The following IFT122 variants were observed in gnomAD, a reference collection of about 807,000 sequenced individuals.
The protein encoded by IFT122 is intraflagellar transport 122.
Under a neutral mutation model 161.6 loss-of-function variants are expected in IFT122, and 118 were observed. The ratio of observed to expected loss-of-function variants is 0.73; its 90% CI spans 0.63 to 0.85. The LOEUF (loss-of-function observed/expected upper bound fraction) is 0.85. Among genes scored for constraint, IFT122 ranks in the 40% least tolerant of loss-of-function variants. IFT122 has a pLI of 0.00. For missense variants in IFT122, 1,381 were observed against 1,579.6 expected (o/e 0.87, Z 2.13); for synonymous variants, 550 against 602.4 (o/e 0.91, Z 1.27).
At position 129,464,707 on chromosome 3, in the gene IFT122, C is replaced by G; in HGVS notation, c.489C>G (p.Gly163=). 4 of 1,613,880 alleles carry G rather than the reference C, an allele frequency of 2.5e-6. No homozygotes were observed. The highest frequency in any genetic ancestry group is 3.4e-6 in the Non-Finnish European group (4 of 1,179,916). ...TCATCAGCATACGGAACAAAAATGG[C>G]GAGGAGAAAGTAAAGATCGAGCGGC... is the stretch of plus-strand genomic sequence containing the variant. ...NGIISIRNKN[G]EEKVKIERPG... Residue 163 remains glycine, a synonymous_variant, in exon 7 of 30, where the codon GGC becomes GGG. Transcript: ENST00000348417.
At chr3:129,472,471 T>C (rs2077466160) in intron 9 of IFT122, among the ~76,000 whole-genome samples, 2 of 152,182 alleles carry the variant, frequency 1.3e-5, no homozygotes, top group African/African-American at 2.4e-5. Flanking sequence ...GGCCTACTTC[T>C]GATTTTAAGT....
At chr3:129,454,211 C>G (rs1421586096) in intron 3 of IFT122, among the ~76,000 whole-genome samples, 1 of 151,980 alleles carries the variant, frequency 6.6e-6, no homozygotes, top group Non-Finnish European at 1.5e-5. Context: ...TCACTTTAGT[C>G]CTGCATAAAG....
chr3:129,479,735 G>C (rs763049635), intron 12 of IFT122, 50 bp from the exon 13 acceptor site: 6 of 1,612,328 alleles, frequency 3.7e-6, no homozygotes, highest in Non-Finnish European at 5.1e-6. Flanking sequence ...GGGAGGTCTG[G>C]GGGCACTTAT....
At position 129,506,396 on chromosome 3, in the gene IFT122, A is replaced by C. The variant is rs1301770246; in HGVS notation, c.2651-13A>C. Reference sequence around the variant, plus strand: ...TAGCATGTGCTTTTTTCCTCCCTCCACCACTCCTACAGCGTTCCACAAGGC... The same window carrying C: ...TAGCATGTGCTTTTTTCCTCCCTCCCCCACTCCTACAGCGTTCCACAAGGC... On this transcript the variant is annotated splice_polypyrimidine_tract_variant and intron_variant, in intron 21 of 29. Transcript: ENST00000348417. The C allele has an allele frequency of 6.2e-7, 1 of 1,612,962 alleles. No individual in the cohort carries two copies. Among genetic ancestry groups the C allele is most frequent in the African/African-American group, 1.3e-5 (1 of 74,832 alleles).
intron 29 of IFT122, 130 bp from the exon 30 acceptor site, chr3:129,520,046 G>A: frequency 1.3e-6 from 1 of 770,452 alleles, no homozygotes; most frequent in South Asian, 1.5e-5. Context: ...AAACAAAGGT[G>A]CTGCAGGTCT....
At chr3:129,447,678 A>G (rs2074192560) in intron 1 of IFT122, among the ~76,000 whole-genome samples, 2 of 152,022 alleles carry the variant, frequency 1.3e-5, no homozygotes, top group Admixed American at 6.6e-5. Context: ...ACACCTGGCT[A>G]ATTTTTGTAT....
chr3:129,503,717 A>G (rs1432324674), intron 20 of IFT122, among the ~76,000 whole-genome samples: 1 of 152,194 alleles, frequency 6.6e-6, no homozygotes, highest in Non-Finnish European at 1.5e-5. Context: ...GGCTAGGGAC[A>G]GAGGCAATGG....
intron 23 of IFT122, among the ~76,000 whole-genome samples, chr3:129,510,233 C>A (rs758586391): frequency 6.6e-6 from 1 of 152,322 alleles, no homozygotes; most frequent in East Asian, 1.9e-4. Flanking sequence ...GCCTTCCCGC[C>A]GTTCTTTGAC....
At chr3:129,510,006 T>C (rs2082627866) in intron 23 of IFT122, among the ~76,000 whole-genome samples, 1 of 152,228 alleles carries the variant, frequency 6.6e-6, no homozygotes, top group Non-Finnish European at 1.5e-5. Flanking sequence ...TCCTTACTGC[T>C]GCTCCAGGCA....
intron 3 of IFT122, among the ~76,000 whole-genome samples, chr3:129,456,797 TC>T (rs1331336638): frequency 6.6e-6 from 1 of 152,098 alleles, no homozygotes; most frequent in East Asian, 1.9e-4. Flanking sequence ...GCACCTGTAG[TC>T]CCAGCTACTC....
intron 5 of IFT122, among the ~76,000 whole-genome samples, chr3:129,462,159 G>T (rs748498126): frequency 1.3e-5 from 2 of 152,166 alleles, no homozygotes; most frequent in Non-Finnish European, 2.9e-5. Context: ...ATGGAGAAAG[G>T]CCTGTCATTT....
Position 129,479,855 on chromosome 3 carries a change from G to A in IFT122, c.1421G>A (p.Arg474His), listed in dbSNP as rs753501616. ...GAGTGGCAGATGGAGTCTCTCATTCGTTACATCAAGGTGATCGGTGGCCCT... is the reference window on the plus strand; with the variant it reads ...GAGTGGCAGATGGAGTCTCTCATTCATTACATCAAGGTGATCGGTGGCCCT... ...EREWQMESLI[R>H]YIKVIGGPPG... is the part of the protein sequence containing the mutation. The change falls in exon 13 of 30, where the codon CGT becomes CAT. Residue 474 changes from arginine (R) to histidine (H), a missense_variant. Physicochemically the swap from Arg to His is conservative, Grantham distance 29. Transcript: ENST00000348417. 1.2e-6 allele frequency: 2 copies of A among 1,614,062 alleles called. No homozygotes were observed. Among genetic ancestry groups the A allele is most frequent in the Admixed American group, 1.7e-5 (1 of 60,026 alleles).
At chr3:129,506,376 T>A in intron 21 of IFT122, 33 bp from the exon 22 acceptor site, 1 of 1,610,636 alleles carries the variant, frequency 6.2e-7, no homozygotes, top group Admixed American at 1.7e-5. Flanking sequence ...CTAAATAGCA[T>A]GTGCTTTTTT....
At chr3:129,492,316 A>T (rs904535942) in intron 17 of IFT122, 122 bp downstream of exon 17, 9 of 830,150 alleles carry the variant, frequency 1.1e-5, no homozygotes, top group Non-Finnish European at 1.9e-5. Context: ...GCGTCTGGGC[A>T]TCTGGGCCAC....
chr3:129,498,569 G>A (rs529944062), intron 18 of IFT122, among the ~76,000 whole-genome samples: 4 of 152,272 alleles, frequency 2.6e-5, no homozygotes, highest in Admixed American at 6.5e-5. Flanking sequence ...TATACAATGC[G>A]CTTTCCTCCC....
chr3:129,464,122 T>C (rs966108519), intron 6 of IFT122, among the ~76,000 whole-genome samples: 5 of 152,102 alleles, frequency 3.3e-5, no homozygotes, highest in Non-Finnish European at 7.4e-5. Context: ...AACTCATGAG[T>C]GTAAAGCGTG....
intron 12 of IFT122, 53 bp downstream of exon 12, chr3:129,478,271 C>T: frequency 6.6e-7 from 1 of 1,506,032 alleles, no homozygotes; most frequent in East Asian, 2.3e-5. Context: ...GTGCTCCCCC[C>T]CCAGTGATAG....
chr3:129,488,995 T>C (rs1326249352), intron 16 of IFT122, among the ~76,000 whole-genome samples: 1 of 152,032 alleles, frequency 6.6e-6, no homozygotes, highest in East Asian at 1.9e-4. Context: ...ATCTGACCCC[T>C]CTCTGCACAT....
intron 3 of IFT122, among the ~76,000 whole-genome samples, chr3:129,457,766 C>T (rs984610148): frequency 2.3e-5 from 3 of 132,272 alleles, no homozygotes; most frequent in African/African-American, 6.0e-5. Flanking sequence ...GATGGAGTCT[C>T]GCTCTGTTGC....
Sources: gnomAD v4.1 joint callset for allele counts (sites outside exome capture counted in the v4.1 genomes callset) on GRCh38, gnomAD v4.1.1 for gene constraint, MANE v1.5 for transcripts, NCBI Gene and HGNC (gene_info 2026-07-23, HGNC 2026-07-21) for gene names.